Variants in TFE3 observed in about 807,000 individuals in gnomAD.
TFE3 encodes the protein transcription factor binding to IGHM enhancer 3, also known as transcription factor E3.
Under a neutral mutation model 35.0 loss-of-function variants are expected in TFE3, and 5 were observed. That is an observed-to-expected ratio of 0.14 (90% confidence interval 0.07 to 0.30). TFE3 has a LOEUF of 0.30. Ranked by LOEUF, TFE3 falls within the 10% of genes least tolerant of loss-of-function variation. The pLI, the probability that TFE3 is intolerant of heterozygous loss-of-function variation, is 1.00. For missense variants in TFE3, 374 were observed against 496.6 expected (o/e 0.75, Z 2.35); for synonymous variants, 211 against 215.6 (o/e 0.98, Z 0.18).
intron 1 of TFE3, 67 bp downstream of exon 1, chrX:49,043,044 C>A: frequency 1.0e-6 from 1 of 982,063 alleles, no homozygotes; most frequent in East Asian, 3.7e-5. Flanking sequence ...TCCGGGGCCC[C>A]CACTGCCCCC....
rs782567354 is a variant in TFE3, at chrX:49,039,079, C to T, written c.534+28G>A. The T allele has an allele frequency of 3.6e-6, 4 of 1,126,462 alleles. No homozygotes were observed. The South Asian group carries it at 8.9e-5, about 25-fold the overall frequency. 92.8% of individuals were successfully genotyped at this position (1,126,462 alleles called of 1,213,427 possible). A position where few individuals can be genotyped will look rare whatever the true frequency, so the allele number is the denominator to read the frequency against. On this transcript the variant is annotated intron_variant, in intron 3 of 9. Transcript: ENST00000315869. ...TCACTCCTCAGTCACCAGGAGCCCC[C>T]TCCCAGGGCCTCTGGATCTCACCTT...
intron 1 of TFE3, among the ~76,000 whole-genome samples, chrX:49,041,471 T>G (rs1165906815): frequency 8.9e-6 from 1 of 111,838 alleles, no homozygotes; most frequent in African/African-American, 3.3e-5. Context: ...AAATATAAAA[T>G]AGAAATATCA....
Position 49,031,409 on chromosome X carries a change from C to A in TFE3, c.1272G>T (p.Gln424His). ...CCTCTTTTCAAACCTGAATTCGGAG[C>A]TGCAGGCTGCGGTTGGCCTGCTCCA... ...RSLEQANRSL[Q>H]LRIQELELQA... The change falls in exon 9 of 10, where the codon CAG (glutamine) becomes CAT (histidine). Residue 424 changes from glutamine to histidine, a missense_variant. Physicochemically the swap from Gln to His is conservative, Grantham distance 24. Around this residue, in one of 3 missense-constraint regions of TFE3, gnomAD observed 167 missense variants for 297.2 expected, o/e 0.56. Transcript: ENST00000315869. 3.3e-6 allele frequency: 4 copies of A among 1,198,387 alleles called. No individual in the cohort carries two copies. Among genetic ancestry groups the A allele is most frequent in the Non-Finnish European group, 3.4e-6 (3 of 887,955 alleles).
chrX:49,036,808 T>A (rs1221713012), intron 5 of TFE3, among the ~76,000 whole-genome samples: 2 of 109,788 alleles, frequency 1.8e-5, no homozygotes, highest in East Asian at 5.8e-4. Flanking sequence ...TCTCAAAAAA[T>A]AAATAAATAA....
At chrX:49,042,519 T>A (rs2064765636) in intron 1 of TFE3, among the ~76,000 whole-genome samples, 1 of 111,372 alleles carries the variant, frequency 9.0e-6, no homozygotes, top group South Asian at 3.7e-4. Context: ...ATGTTGCTTC[T>A]CTTGTTCATT....
chrX:49,033,671 C>A, intron 7 of TFE3, 55 bp downstream of exon 7: 1 of 1,196,054 alleles, frequency 8.4e-7, no homozygotes, highest in Non-Finnish European at 1.1e-6. Flanking sequence ...GGCCAGGACT[C>A]GGGGTGAGGC....
chrX:49,035,322 A>AAAATAAATAAATAAATAAAT (rs781998192), intron 5 of TFE3, among the ~76,000 whole-genome samples: 2,014 of 83,447 alleles, frequency 0.024, 59 homozygotes, highest in African/African-American at 0.083. Flanking sequence ...ACTCTATCTC[A>AAAATAAATAAATAAATAAAT]AAATAAATAA....
At position 49,033,757 on chromosome X, in the gene TFE3, C is replaced by T; in HGVS notation, c.1029G>A (p.Lys343=). The T allele has an allele frequency of 8.3e-7, 1 of 1,211,809 alleles. No homozygotes were observed. The highest frequency in any genetic ancestry group is 3.0e-5 in the East Asian group (1 of 33,861). Residue 343 remains lysine, a synonymous_variant, in exon 7 of 10, where the codon AAG becomes AAA. Transcript: ENST00000315869. ...ISETEAKALL[K]ERQKKDNHNL... ...TGTGATTGTCTTTCTTCTGCCGTTC[C>T]TTCAAAAGGGCCTTTGCCTCGGTCT...
Position 49,030,128 on chromosome X carries a change from G to A in TFE3, c.*30C>T, listed in dbSNP as rs782283460. On this transcript the variant is annotated 3_prime_UTR_variant, in exon 10 of 10. Coordinates refer to ENST00000315869, the MANE Select transcript of TFE3 (RefSeq NM_006521.6). ...CTGACTGGTCCTCCTTTCCTGGGTG[G>A]GAAAGTCCCAGGGGAGGGGTGAGGC... 12 of 1,184,668 alleles carry A rather than the reference G, an allele frequency of 1.0e-5. No individual in the cohort carries two copies. In the African/African-American group the frequency reaches 1.8e-4, roughly 18 times the overall value.
Position 49,040,652 on chromosome X carries a change from A to G in TFE3, c.117-84T>C, listed in dbSNP as rs782138130. On this transcript the variant is annotated intron_variant, in intron 1 of 9. Transcript: ENST00000315869. The stretch of plus-strand genomic sequence containing the variant: ...TCCCCTGAGACAGAGAAAGAGAGAG[A>G]GAGGGGGGGAGAACGAAGAGGAGGG... The G allele has an allele frequency of 3.0e-4, 191 of 641,329 alleles. No homozygotes were observed. In the African/African-American group the frequency reaches 4.2e-3, roughly 14 times the overall value. 52.9% of individuals were successfully genotyped at this position (641,329 alleles called of 1,213,427 possible).
At chrX:49,037,205 G>C (rs782692948) in intron 5 of TFE3, among the ~76,000 whole-genome samples, 2 of 111,947 alleles carry the variant, frequency 1.8e-5, no homozygotes, top group Admixed American at 1.9e-4. Context: ...GTGAGAGGCT[G>C]AGGCACGAAA....
rs181465589 is a variant in TFE3, at chrX:49,031,049, C to T, written c.1284+348G>A. ...GCGGTGAGCCGAGATTGCGCCATTG[C>T]ACTCCAGCCTGGGCAACGAGCGAAA... On this transcript the variant is annotated intron_variant, in intron 9 of 9. Coordinates refer to ENST00000315869, the MANE Select transcript of TFE3 (RefSeq NM_006521.6). 6.5e-4 allele frequency among the ~76,000 whole-genome samples: 70 copies of T among 107,483 alleles called. 1 individual carries two copies. The East Asian group carries it at 0.018, about 27-fold the overall frequency. The allele number at this position is 107,483 out of a possible 115,157, so 93.3% of individuals were successfully genotyped here. A position where few individuals can be genotyped will look rare whatever the true frequency, so the allele number is the denominator to read the frequency against.
intron 2 of TFE3, among the ~76,000 whole-genome samples, 159 bp downstream of exon 2, chrX:49,040,296 C>A (rs1305113179): frequency 1.0e-5 from 1 of 98,777 alleles, no homozygotes; most frequent in Non-Finnish European, 2.1e-5. Context: ...CACCTACTTT[C>A]CTGTGTGACA....
At chrX:49,036,349 CT>C (rs2064729220) in intron 5 of TFE3, among the ~76,000 whole-genome samples, 1 of 106,509 alleles carries the variant, frequency 9.4e-6, no homozygotes, top group Admixed American at 1.0e-4. Flanking sequence ...CACCTGTAAT[CT>C]CGGCTACTTG....
In TFE3 at chrX:49,043,258, C is replaced by T; in HGVS notation, c.-32G>A. On this transcript the variant is annotated 5_prime_UTR_variant, in exon 1 of 10. Coordinates refer to ENST00000315869, the MANE Select transcript of TFE3 (RefSeq NM_006521.6). ...CGGCCCCGGGCGAGCCCTGCCAGGC[C>T]GGTCGGGCCTCGGCCCGGTCCCCCT... is the stretch of plus-strand genomic sequence containing the variant. The T allele has an allele frequency of 9.3e-7, 1 of 1,075,323 alleles. No individual in the cohort carries two copies. The allele number at this position is 1,075,323 out of a possible 1,213,427, so 88.6% of individuals were successfully genotyped here. A position where few individuals can be genotyped will look rare whatever the true frequency, so the allele number is the denominator to read the frequency against.
chrX:49,041,022 T>C (rs1252557576), intron 1 of TFE3, among the ~76,000 whole-genome samples: 1 of 106,683 alleles, frequency 9.4e-6, no homozygotes, highest in Admixed American at 1.0e-4. Flanking sequence ...AAGCTCTGCC[T>C]CCTGGGTTCA....
Position 49,030,329 on chromosome X carries a change from C to T in TFE3, c.1557G>A (p.Leu519=). ...CCTCCATCAGAATGTCCTCCAGCCCCAGGTGGAAGGGGTCTCCCAGGTCCC... is the reference window on the plus strand; with the variant it reads ...CCTCCATCAGAATGTCCTCCAGCCCTAGGTGGAAGGGGTCTCCCAGGTCCC... ...HLGDLGDPFH[L]GLEDILMEEE... The change falls in exon 10 of 10, where the codon CTG becomes CTA. Residue 519 remains leucine (L), a synonymous_variant. Transcript: ENST00000315869. The T allele has an allele frequency of 8.3e-7, 1 of 1,210,656 alleles. No individual in the cohort carries two copies. The highest frequency in any genetic ancestry group is 2.2e-5 in the Admixed American group (1 of 45,905).
chrX:49,039,293 C>T lies in TFE3; in HGVS notation c.348G>A (p.Leu116=). 1 of 1,207,741 alleles carries T rather than the reference C, an allele frequency of 8.3e-7. No homozygotes were observed. ...CCTGGGCCCGCATTAGCTGCTGCCG[C>T]AGCAAGACCCTCGATGAAGAAGATG... ...MSSSSSSRVL[L]RQQLMRAQAQ... Residue 116 remains leucine, a synonymous_variant, in exon 3 of 10, where the codon CTG becomes CTA. Transcript: ENST00000315869.
intron 2 of TFE3, 82 bp from the exon 3 acceptor site, chrX:49,039,492 G>A (rs2064749285): frequency 7.9e-6 from 8 of 1,009,057 alleles, no homozygotes; most frequent in Non-Finnish European, 1.0e-5. Context: ...GCGTGACGGA[G>A]CAGACACAGG....
Sources: gnomAD v4.1 joint callset for allele counts (sites outside exome capture counted in the v4.1 genomes callset) on GRCh38, gnomAD v4.1.1 for gene constraint, gnomAD v4.1.1 regional missense constraint, MANE v1.5 for transcripts, NCBI Gene and HGNC (gene_info 2026-07-23, HGNC 2026-07-21) for gene names.